Variants in SPAG9 observed in about 807,000 individuals in gnomAD.
The protein encoded by SPAG9 is sperm associated antigen 9.
Under a neutral mutation model 166.5 loss-of-function variants are expected in SPAG9, and 35 were observed. The observed-to-expected ratio is 0.21, with a 90% CI of 0.16 to 0.28. SPAG9 has a LOEUF of 0.28. SPAG9 is among the 10% of genes least tolerant of loss of function. The pLI, the probability that SPAG9 is intolerant of heterozygous loss-of-function variation, is 1.00. For missense variants in SPAG9, 1,235 were observed against 1,603.3 expected, an observed-to-expected ratio of 0.77 and a Z score of 3.92; for synonymous variants, 534 against 565.5, an observed-to-expected ratio of 0.94 and a Z score of 0.79.
chr17:51,031,747 G>C (rs2046391597), intron 5 of SPAG9, 25 bp from the exon 6 acceptor site: 1 of 1,540,224 alleles, frequency 6.5e-7, no homozygotes. Context: ...GATTATAAAA[G>C]AGAAAAAAAT....
In SPAG9 at chr17:51,076,988, AGC is replaced by A. The variant is rs1491526170; in HGVS notation, c.424+2594_424+2595del. 1.3e-3 allele frequency among the ~76,000 whole-genome samples: 129 copies of A among 97,156 alleles called. 1 individual carries two copies. The highest frequency in any genetic ancestry group is 2.1e-3 in the Non-Finnish European group (89 of 42,926). 63.7% of individuals were successfully genotyped at this position (97,156 alleles called of 152,430 possible). The stretch of plus-strand genomic sequence containing the variant: ...TTGTCTCTATCTATCTATCTTATCT[AGC>A]TATCTAGCTATCTAGCTAGCTAGCT... On this transcript the variant is annotated intron_variant, in intron 2 of 29. Transcript: ENST00000262013.
At chr17:51,096,220 G>C (rs910715889) in intron 1 of SPAG9, among the ~76,000 whole-genome samples, 3 of 151,330 alleles carry the variant, frequency 2.0e-5, no homozygotes, top group Non-Finnish European at 4.4e-5. Context: ...GAGGAGGCAT[G>C]CACTTGTAGT....
At position 50,990,489 on chromosome 17, in the gene SPAG9, T is replaced by C. The variant is rs1597924894; in HGVS notation, c.2578A>G (p.Ser860Gly). 6.2e-7 allele frequency: 1 copy of C among 1,614,216 alleles called. No homozygotes were observed. The highest frequency in any genetic ancestry group is 8.5e-7 in the Non-Finnish European group (1 of 1,180,028). ...ATCACTGGAGAAGCACCATTTGTAC[T>C]AGGGGAAGTGGCAGCTCCCGTCACA... ...EGVTGAATSP[S>G]TNGASPVMDK... The change falls in exon 20 of 30, where the codon AGT (serine) becomes GGT (glycine). Residue 860 changes from serine to glycine, a missense_variant. This residue lies in a region of SPAG9 where 493 missense variants were observed against 559.4 expected (regional missense o/e 0.88). Transcript: ENST00000262013.
At chr17:51,000,934 A>T (rs1291538661) in intron 13 of SPAG9, among the ~76,000 whole-genome samples, 1 of 152,206 alleles carries the variant, frequency 6.6e-6, no homozygotes, top group Non-Finnish European at 1.5e-5. Context: ...CCTTATGGGC[A>T]GTTATAAGCA....
chr17:51,108,084 G>GA (rs775993771), intron 1 of SPAG9, among the ~76,000 whole-genome samples: 11,641 of 121,136 alleles, frequency 0.096, 507 homozygotes, highest in Non-Finnish European at 0.12. Flanking sequence ...CATGATTTAA[G>GA]AAAAAAAAAA....
intron 6 of SPAG9, among the ~76,000 whole-genome samples, chr17:51,023,721 G>A (rs774692897): frequency 7.2e-5 from 11 of 152,114 alleles, no homozygotes; most frequent in Non-Finnish European, 1.3e-4. Context: ...CTGGAGTGCA[G>A]TGGCATAATC....
intron 18 of SPAG9, among the ~76,000 whole-genome samples, chr17:50,994,836 C>T (rs541601052): frequency 6.4e-4 from 97 of 150,778 alleles, no homozygotes; most frequent in African/African-American, 2.4e-3. Flanking sequence ...CATACGTGTA[C>T]ACATGTGTCA....
chr17:51,075,195 CAAA>C (rs57533555), intron 2 of SPAG9, among the ~76,000 whole-genome samples: 1,256 of 28,726 alleles, frequency 0.044, 4 homozygotes, highest in African/African-American at 0.13. Flanking sequence ...GACTCCATCT[CAAA>C]AAAAAAAAAA....
Position 51,120,753 on chromosome 17 carries a change from T to A in SPAG9, c.-97A>T. ...ACCCGACTCGGGCTGGGACGGGTAC[T>A]AGGGCTGGAGCCCGGGCCGGGGCTG... is the stretch of plus-strand genomic sequence containing the variant. On this transcript the variant is annotated 5_prime_UTR_variant, in exon 1 of 30. Transcript: ENST00000262013. The surrounding 1 kb of genome is among the most constrained non-coding windows in gnomAD (Gnocchi z 4.7). 9.0e-7 allele frequency: 1 copy of A among 1,113,144 alleles called. No homozygotes were observed. 69.0% of individuals were successfully genotyped at this position (1,113,144 alleles called of 1,614,324 possible).
Position 51,120,392 on chromosome 17 carries a change from A to G in SPAG9, c.265T>C (p.Tyr89His). Residue 89 changes from tyrosine (Y) to histidine (H), a missense_variant, in exon 1 of 30, where the codon TAC (tyrosine) becomes CAC (histidine). Physicochemically the swap from Tyr to His is moderately conservative, Grantham distance 83. Coordinates refer to ENST00000262013, the MANE Select transcript of SPAG9 (RefSeq NM_001130528.3). The surrounding 1 kb of genome is among the most constrained non-coding windows in gnomAD (Gnocchi z 4.7). ...RDDNEQLITQ[Y>H]EREKALRKHA... The stretch of plus-strand genomic sequence containing the variant: ...TTGCGCAGCGCCTTCTCCCGCTCGT[A>G]CTGGGTGATGAGCTGCTCGTTGTCG... 1 of 1,609,434 alleles carries G rather than the reference A, an allele frequency of 6.2e-7. No homozygotes were observed. Among genetic ancestry groups the G allele is most frequent in the East Asian group, 2.2e-5 (1 of 44,646 alleles).
At chr17:51,021,677 A>T (rs2045941849) in intron 6 of SPAG9, among the ~76,000 whole-genome samples, 1 of 152,228 alleles carries the variant, frequency 6.6e-6, no homozygotes, top group African/African-American at 2.4e-5. Context: ...AATATTGTAC[A>T]GTCACTTGGT....
intron 3 of SPAG9, among the ~76,000 whole-genome samples, chr17:51,053,129 T>A (rs1355601486): frequency 6.6e-6 from 1 of 151,554 alleles, no homozygotes; most frequent in Non-Finnish European, 1.5e-5. Flanking sequence ...TAAAAAAGAT[T>A]AGAGCTTCAT....
chr17:51,046,701 C>T (rs1293259068), intron 4 of SPAG9: 3 of 1,535,778 alleles, frequency 2.0e-6, no homozygotes, highest in Non-Finnish European at 2.6e-6. Context: ...ACCAAGGAGG[C>T]CTACACGGGG....
Position 50,974,704 on chromosome 17 carries a change from G to A in SPAG9, c.3700+67C>T, listed in dbSNP as rs934787145. On this transcript the variant is annotated intron_variant, in intron 28 of 29. Coordinates refer to ENST00000262013, the MANE Select transcript of SPAG9 (RefSeq NM_001130528.3). ...GTACTTAGCCTTAGACTATTAGGTA[G>A]TGGAACCAAGAGATGACAGAAGAGA... The A allele has an allele frequency of 3.8e-5, 53 of 1,397,520 alleles. 1 individual carries two copies. In the South Asian group the frequency reaches 6.9e-4, roughly 18 times the overall value. The allele number at this position is 1,397,520 out of a possible 1,614,324, so 86.6% of individuals were successfully genotyped here. A position where few individuals can be genotyped will look rare whatever the true frequency, so the allele number is the denominator to read the frequency against.
At chr17:51,005,004 G>A (rs1007252711) in intron 12 of SPAG9, among the ~76,000 whole-genome samples, 1 of 152,188 alleles carries the variant, frequency 6.6e-6, no homozygotes, top group Non-Finnish European at 1.5e-5. Context: ...CAGAGGCACA[G>A]AGGGAAAATG....
chr17:50,981,527 T>TAGAA lies in SPAG9; in HGVS notation c.3237+993_3237+996dup, dbSNP rs1190783737. On this transcript the variant is annotated intron_variant, in intron 25 of 29. Transcript: ENST00000262013. ...ATAGATAGATAGATAGATAGATAGA[T>TAGAA]AGAAAGAAAGAAAGAAAGAATAGAT... is the stretch of plus-strand genomic sequence containing the variant. 2.3e-3 allele frequency among the ~76,000 whole-genome samples: 250 copies of TAGAA among 107,342 alleles called. 2 individuals are homozygous for TAGAA. The highest frequency in any genetic ancestry group is 5.9e-3 in the African/African-American group (169 of 28,484). The allele number at this position is 107,342 out of a possible 152,430, so 70.4% of individuals were successfully genotyped here. A position where few individuals can be genotyped will look rare whatever the true frequency, so the allele number is the denominator to read the frequency against.
At chr17:50,985,615 T>TG (rs1974993448) in intron 23 of SPAG9, 83 bp downstream of exon 23, 2 of 721,674 alleles carry the variant, frequency 2.8e-6, no homozygotes, top group African/African-American at 3.6e-5. Flanking sequence ...TCGTGAAACA[T>TG]GTATTAGCTT....
At chr17:51,019,380 C>T (rs573469455) in intron 8 of SPAG9, among the ~76,000 whole-genome samples, 102 of 151,970 alleles carry the variant, frequency 6.7e-4, no homozygotes, top group Non-Finnish European at 7.4e-4. Context: ...TGGCAAAACC[C>T]CGTCTCTACT....
intron 10 of SPAG9, 88 bp from the exon 11 acceptor site, chr17:51,006,325 C>T (rs1021518720): frequency 8.1e-7 from 1 of 1,238,592 alleles, no homozygotes; most frequent in Non-Finnish European, 1.1e-6. Flanking sequence ...ACTGTACAAC[C>T]ATAGACAATA....
Sources: gnomAD v4.1 joint callset for allele counts (sites outside exome capture counted in the v4.1 genomes callset) on GRCh38, gnomAD v4.1.1 for gene constraint, gnomAD v4.1.1 regional missense constraint, Gnocchi (gnomAD v3.1) non-coding constraint, MANE v1.5 for transcripts, NCBI Gene and HGNC (gene_info 2026-07-23, HGNC 2026-07-21) for gene names.